The following FAM120A variants were observed in gnomAD, a reference collection of about 807,000 sequenced individuals.
FAM120A encodes the protein family with sequence similarity 120 member A.
Under a neutral mutation model 109.7 loss-of-function variants are expected in FAM120A, and 15 were observed. That is an observed-to-expected ratio of 0.14 (90% CI 0.09 to 0.21). FAM120A has a LOEUF of 0.21. Ranked by LOEUF, FAM120A falls within the 10% of genes least tolerant of loss-of-function variation. FAM120A has a pLI of 1.00. For missense variants in FAM120A, 899 were observed against 1,439.3 expected, an observed-to-expected ratio of 0.62 and a Z score of 6.07; for synonymous variants, 493 against 572.8, an observed-to-expected ratio of 0.86 and a Z score of 1.99.
intron 16 of FAM120A, among the ~76,000 whole-genome samples, chr9:93,561,656 A>T (rs527479097): frequency 2.0e-5 from 3 of 152,158 alleles, no homozygotes; most frequent in Non-Finnish European, 4.4e-5. Flanking sequence ...CGGCCTTGCA[A>T]AGTGCTGGGA....
intron 3 of FAM120A, among the ~76,000 whole-genome samples, chr9:93,495,152 A>G (rs531950049): frequency 1.3e-5 from 2 of 152,292 alleles, no homozygotes; most frequent in Admixed American, 6.5e-5. Flanking sequence ...GTTTGCCGCC[A>G]CTTGCCAGTG....
chr9:93,505,823 A>C (rs1156512634), intron 5 of FAM120A, among the ~76,000 whole-genome samples: 9 of 152,204 alleles, frequency 5.9e-5, no homozygotes, highest in African/African-American at 2.2e-4. Flanking sequence ...TGAGGTGATA[A>C]ACACTTTGTC....
At chr9:93,546,685 C>T (rs964558643) in intron 11 of FAM120A, among the ~76,000 whole-genome samples, 5 of 152,216 alleles carry the variant, frequency 3.3e-5, no homozygotes, top group African/African-American at 1.2e-4. Flanking sequence ...CCAGAAACAC[C>T]TGAGCCATCT....
In FAM120A at chr9:93,557,945, C is replaced by A. The variant is rs1033221343; in HGVS notation, c.2603C>A (p.Ala868Asp). ...CCACCTGCCCTGCCCTTCTACCCTG[C>A]CTCTGCGTACCCCCGGCACTTTGGG... The part of the protein sequence containing the change: ...PPPPALPFYP[A>D]SAYPRHFGPV... The change falls in exon 14 of 18, where the codon GCC becomes GAC. Residue 868 changes from alanine to aspartate, a missense_variant. Ala to Asp is a moderately radical substitution (Grantham distance 126). Transcript: ENST00000277165. 1 of 1,607,014 alleles carries A rather than the reference C, an allele frequency of 6.2e-7. No individual in the cohort carries two copies. Among genetic ancestry groups the A allele is most frequent in the African/African-American group, 1.3e-5 (1 of 74,946 alleles).
At chr9:93,517,532 C>A (rs944546499) in intron 7 of FAM120A, among the ~76,000 whole-genome samples, 7 of 152,188 alleles carry the variant, frequency 4.6e-5, no homozygotes, top group African/African-American at 1.7e-4. Flanking sequence ...AAGGCATGTG[C>A]ATTTTGTTGT....
chr9:93,457,226 G>A (rs928202923), intron 1 of FAM120A, among the ~76,000 whole-genome samples: 1 of 152,152 alleles, frequency 6.6e-6, no homozygotes, highest in South Asian at 2.1e-4. Flanking sequence ...AGCTGTTCGA[G>A]TTCCTGCTTT....
chr9:93,490,093 T>C (rs117809913), intron 3 of FAM120A, among the ~76,000 whole-genome samples: 2,806 of 152,368 alleles, frequency 0.018, 48 homozygotes, highest in Middle Eastern at 0.061. Flanking sequence ...GTGTTCCTTT[T>C]CTAGCACAGG....
intron 11 of FAM120A, among the ~76,000 whole-genome samples, chr9:93,549,290 A>G (rs979466447): frequency 1.3e-5 from 2 of 152,176 alleles, no homozygotes; most frequent in Non-Finnish European, 2.9e-5. Flanking sequence ...TGCCACATTA[A>G]TTTGACCATG....
At chr9:93,520,941 A>G (rs984431886) in intron 7 of FAM120A, among the ~76,000 whole-genome samples, 2 of 152,146 alleles carry the variant, frequency 1.3e-5, no homozygotes, top group Non-Finnish European at 2.9e-5. Flanking sequence ...TTAATATCTT[A>G]TTCAGCATTT....
chr9:93,513,554 C>T (rs1349461017), intron 5 of FAM120A, among the ~76,000 whole-genome samples: 3 of 152,218 alleles, frequency 2.0e-5, no homozygotes, highest in African/African-American at 4.8e-5. Flanking sequence ...GCTTCTCATA[C>T]TGCAGTTGTT....
intron 5 of FAM120A, among the ~76,000 whole-genome samples, chr9:93,510,840 G>A (rs914892080): frequency 1.3e-5 from 2 of 151,306 alleles, no homozygotes; most frequent in African/African-American, 4.9e-5. Flanking sequence ...TTAAACCCAG[G>A]AACTGAATAC....
intron 1 of FAM120A, among the ~76,000 whole-genome samples, chr9:93,465,980 G>A (rs1857997339): frequency 6.6e-6 from 1 of 152,156 alleles, no homozygotes; most frequent in African/African-American, 2.4e-5. Context: ...TTTGGGAAAA[G>A]AATAGCCCAG....
intron 5 of FAM120A, among the ~76,000 whole-genome samples, chr9:93,511,855 C>T (rs1391803628): frequency 6.6e-6 from 1 of 152,224 alleles, no homozygotes; most frequent in African/African-American, 2.4e-5. Flanking sequence ...TGCAGTGGCA[C>T]GATCTCTGCT....
chr9:93,527,029 T>C, intron 7 of FAM120A, 126 bp from the exon 8 acceptor site: 1 of 697,426 alleles, frequency 1.4e-6, no homozygotes. Flanking sequence ...GAGTTATTTC[T>C]CGATGTTGTG....
At chr9:93,502,696 A>T (rs961981909) in intron 5 of FAM120A, among the ~76,000 whole-genome samples, 1 of 152,160 alleles carries the variant, frequency 6.6e-6, no homozygotes, top group Admixed American at 6.5e-5. Flanking sequence ...AGCATTCACT[A>T]TGTCATAATT....
intron 3 of FAM120A, among the ~76,000 whole-genome samples, chr9:93,497,011 C>T (rs576127554): frequency 2.5e-4 from 38 of 152,296 alleles, no homozygotes; most frequent in African/African-American, 8.4e-4. Flanking sequence ...CTTACAGTTT[C>T]AGGGAGTCCT....
At chr9:93,478,921 G>C (rs1858670871) in intron 3 of FAM120A, among the ~76,000 whole-genome samples, 2 of 152,070 alleles carry the variant, frequency 1.3e-5, no homozygotes, top group South Asian at 4.1e-4. Flanking sequence ...TATCCCACCT[G>C]CTATTTTAGT....
chr9:93,523,980 G>A (rs1860957633), intron 7 of FAM120A, among the ~76,000 whole-genome samples: 1 of 152,238 alleles, frequency 6.6e-6, no homozygotes, highest in African/African-American at 2.4e-5. Context: ...GCCAGGCCGT[G>A]CAGGAGAACT....
At chr9:93,459,619 T>C (rs1195864124) in intron 1 of FAM120A, among the ~76,000 whole-genome samples, 1 of 152,206 alleles carries the variant, frequency 6.6e-6, no homozygotes, top group Admixed American at 6.5e-5. Context: ...TGTTTGGAAC[T>C]TTCTTTAATA....
Sources: gnomAD v4.1 joint callset for allele counts (sites outside exome capture counted in the v4.1 genomes callset) on GRCh38, gnomAD v4.1.1 for gene constraint, MANE v1.5 for transcripts, NCBI Gene and HGNC (gene_info 2026-07-23, HGNC 2026-07-21) for gene names.